Variants in DNMT3A observed in about 807,000 individuals in gnomAD.
DNMT3A encodes DNA methyltransferase 3 alpha.
A neutral mutation model predicts 117.6 loss-of-function variants in DNMT3A; 267 were observed. That is an observed-to-expected ratio of 2.27 (90% CI 2.05 to 2.51). DNMT3A has a LOEUF of 2.51. Ranked by LOEUF, DNMT3A falls within the 30% of genes most tolerant of loss-of-function variation. The pLI is 0.00. For synonymous variants in DNMT3A, 432 were observed against 474.8 expected (o/e 0.91, Z 1.17); for missense variants, 1,029 against 1,260.2 (o/e 0.82, Z 2.78).
At chr2:25,241,954 G>A (rs547392415) in intron 16 of DNMT3A, 41 of 527,472 alleles carry the variant, frequency 7.8e-5, no homozygotes, top group Non-Finnish European at 1.2e-4. Flanking sequence ...AAAACTGACC[G>A]GAGAGTACAT....
intron 16 of DNMT3A, 116 bp downstream of exon 16, chr2:25,243,782 A>G: frequency 8.8e-7 from 1 of 1,131,766 alleles, no homozygotes; most frequent in Non-Finnish European, 1.3e-6. Context: ...CCTTTGGGAT[A>G]ATATTTTAAC....
intron 4 of DNMT3A, among the ~76,000 whole-genome samples, chr2:25,279,678 G>GTT (rs1457033944): frequency 1.3e-5 from 2 of 149,784 alleles, no homozygotes; most frequent in African/African-American, 4.9e-5. Flanking sequence ...CAAGGCCAAA[G>GTT]TTTGTTTTTT....
chr2:25,275,203 G>A (rs2031294845), intron 5 of DNMT3A, 116 bp from the exon 6 acceptor site: 6 of 1,382,134 alleles, frequency 4.3e-6, no homozygotes, highest in Admixed American at 2.7e-5. Flanking sequence ...GGGCACCCCT[G>A]GGAGTGCTGG....
chr2:25,248,405 G>T (rs1427283754), intron 6 of DNMT3A, among the ~76,000 whole-genome samples, 153 bp from the exon 7 acceptor site: 2 of 152,156 alleles, frequency 1.3e-5, no homozygotes, highest in African/African-American at 4.8e-5. Flanking sequence ...CGTGAAAAAT[G>T]GAAAGACTTG....
chr2:25,333,057 G>A (rs2035074164), intron 1 of DNMT3A, among the ~76,000 whole-genome samples: 1 of 152,208 alleles, frequency 6.6e-6, no homozygotes, highest in Non-Finnish European at 1.5e-5. Flanking sequence ...GATCAAAAAA[G>A]GTACAGGCAA....
chr2:25,279,364 C>A (rs565259792), intron 4 of DNMT3A, among the ~76,000 whole-genome samples: 23 of 152,302 alleles, frequency 1.5e-4, no homozygotes, highest in African/African-American at 5.5e-4. Flanking sequence ...ATAAGGGGAA[C>A]TGAAAGGAGA....
intron 1 of DNMT3A, among the ~76,000 whole-genome samples, chr2:25,341,307 G>A (rs1245532975): frequency 1.4e-5 from 2 of 144,356 alleles, no homozygotes; most frequent in African/African-American, 2.5e-5. Context: ...CCCCTCCCCC[G>A]CTCCCCCGGG....
At position 25,247,159 on chromosome 2, in the gene DNMT3A, C is replaced by T. The variant is rs1458692279; in HGVS notation, c.1015-1G>A. 5 of 1,613,632 alleles carry T rather than the reference C, an allele frequency of 3.1e-6. No individual in the cohort carries two copies. The highest frequency in any genetic ancestry group is 3.4e-6 in the Non-Finnish European group (4 of 1,179,814). On this transcript the variant is annotated splice_acceptor_variant, in intron 8 of 22. Coordinates refer to ENST00000321117, the MANE Select transcript of DNMT3A (RefSeq NM_022552.5). LOFTEE classifies it high-confidence loss of function. This position sits in a 1 kb window ranked among gnomAD's most constrained non-coding sequence, Gnocchi z 5.6. The stretch of plus-strand genomic sequence containing the variant: ...GCGGCATCAGCTTCTCAACACACAC[C>T]TGGGGGGACAAGCCAGGCCTTGTTT...
In DNMT3A at chr2:25,241,580, GCGGACGTCCC is replaced by G; in HGVS notation, c.2054_2063del (p.Gly685AlafsTer17). On this transcript the variant is annotated frameshift_variant, in exon 17 of 23. Coordinates refer to ENST00000321117, the MANE Select transcript of DNMT3A (RefSeq NM_022552.5). LOFTEE classifies it high-confidence loss of function. ...GACATACATGCTTCTGTGTGACGCT[GCGGACGTCCC>G]CGACGTACATGATCTTCCCCTGGTG... The G allele has an allele frequency of 6.2e-7, 1 of 1,613,992 alleles. No homozygotes were observed. The highest frequency in any genetic ancestry group is 8.5e-7 in the Non-Finnish European group (1 of 1,179,946).
intron 1 of DNMT3A, among the ~76,000 whole-genome samples, chr2:25,330,766 C>T (rs1237775358): frequency 6.6e-6 from 1 of 152,226 alleles, no homozygotes; most frequent in South Asian, 2.1e-4. Flanking sequence ...GCCCTCTGCT[C>T]TCCCGGACAG....
At position 25,290,138 on chromosome 2, in the gene DNMT3A, T is replaced by C. The variant is rs534517513; in HGVS notation, c.178-7427A>G. On this transcript the variant is annotated intron_variant, in intron 3 of 22. Transcript: ENST00000321117. The stretch of plus-strand genomic sequence containing the variant: ...CACCACACCTAACTTTTTATTTTTA[T>C]GGAAGTAATTAAAAAAAATTTTTTT... Among the ~76,000 whole-genome samples, 26 of 152,162 alleles carry C rather than the reference T, an allele frequency of 1.7e-4. No individual in the cohort carries two copies. The East Asian group carries it at 3.3e-3, about 19-fold the overall frequency.
intron 17 of DNMT3A, among the ~76,000 whole-genome samples, chr2:25,241,278 A>G (rs1673998311): frequency 6.6e-6 from 1 of 152,184 alleles, no homozygotes; most frequent in Non-Finnish European, 1.5e-5. Flanking sequence ...TATGTTGCCC[A>G]AGCTAGTCTT....
intron 3 of DNMT3A, among the ~76,000 whole-genome samples, chr2:25,290,462 C>T (rs1354061563): frequency 6.6e-6 from 1 of 152,062 alleles, no homozygotes; most frequent in African/African-American, 2.4e-5. Flanking sequence ...GCTGGGATTA[C>T]AGGCGTGTGC....
Position 25,305,392 on chromosome 2 carries a change from A to G in DNMT3A, c.73-5149T>C, listed in dbSNP as rs2033730947. Among the ~76,000 whole-genome samples the G allele has an allele frequency of 1.3e-5, 2 of 152,232 alleles. No individual in the cohort carries two copies. Among genetic ancestry groups the G allele is most frequent in the African/African-American group, 4.8e-5 (2 of 41,466 alleles). On this transcript the variant is annotated intron_variant, in intron 2 of 22. Coordinates refer to ENST00000321117, the MANE Select transcript of DNMT3A (RefSeq NM_022552.5). The surrounding 1 kb of genome is among the most constrained non-coding windows in gnomAD (Gnocchi z 4.1). Reference sequence around the variant, plus strand: ...ACTGCTCACTGGATGGATTATTTTAAGCCATATACAACGTCTCATTCTGAT... The same window carrying G: ...ACTGCTCACTGGATGGATTATTTTAGGCCATATACAACGTCTCATTCTGAT...
intron 6 of DNMT3A, among the ~76,000 whole-genome samples, chr2:25,262,168 G>A (rs1038803145): frequency 7.6e-6 from 1 of 131,542 alleles, no homozygotes; most frequent in Non-Finnish European, 1.5e-5. Flanking sequence ...CCAGCCTGGC[G>A]AGAGAGCAAG....
At chr2:25,251,405 C>T (rs1675543923) in intron 6 of DNMT3A, among the ~76,000 whole-genome samples, 1 of 152,164 alleles carries the variant, frequency 6.6e-6, no homozygotes, top group South Asian at 2.1e-4. Flanking sequence ...TCAAGAGACA[C>T]CACACTATTC....
At chr2:25,273,971 T>C (rs13427202) in intron 6 of DNMT3A, among the ~76,000 whole-genome samples, 77,525 of 152,074 alleles carry the variant, frequency 0.51, 20,136 homozygotes, top group Non-Finnish European at 0.54. Flanking sequence ...TCTCTCCTCC[T>C]TCTCCCCTTG....
rs574454076 is a variant in DNMT3A at position 25,234,515 on chromosome 2, C to A, written c.2598-95G>T. ...CACACAGCAGGACCCGGAGGACCAG[C>A]AGCCACCCGAAGTGCAGGGACAGGG... is the stretch of plus-strand genomic sequence containing the variant. On this transcript the variant is annotated intron_variant, in intron 22 of 22. Transcript: ENST00000321117. This position sits in a 1 kb window ranked among gnomAD's most constrained non-coding sequence, Gnocchi z 4.5. The A allele has an allele frequency of 2.3e-5, 33 of 1,431,118 alleles. No individual in the cohort carries two copies. The African/African-American group carries it at 3.4e-4, about 15-fold the overall frequency. The allele number at this position is 1,431,118 out of a possible 1,614,324, so 88.7% of individuals were successfully genotyped here. A position where few individuals can be genotyped will look rare whatever the true frequency, so the allele number is the denominator to read the frequency against.
chr2:25,294,206 C>T lies in DNMT3A; in HGVS notation c.177+5933G>A, dbSNP rs764301410. Among the ~76,000 whole-genome samples, 4 of 152,180 alleles carry T rather than the reference C, an allele frequency of 2.6e-5. No homozygotes were observed. Among genetic ancestry groups the T allele is most frequent in the Admixed American group, 6.5e-5 (1 of 15,280 alleles). ...CCTCCTCCATCTTCCCTGGCTTCCC[C>T]GGCATCCTTAGGAGTCCCACTGCAC... On this transcript the variant is annotated intron_variant, in intron 3 of 22. Transcript: ENST00000321117. This position sits in a 1 kb window ranked among gnomAD's most constrained non-coding sequence, Gnocchi z 4.7.
Sources: allele counts gnomAD v4.1 joint callset (sites outside exome capture counted in the v4.1 genomes callset), GRCh38; gene constraint gnomAD v4.1.1; non-coding constraint Gnocchi (gnomAD v3.1); transcripts MANE v1.5; gene names NCBI Gene and HGNC (gene_info 2026-07-23, HGNC 2026-07-21).